The following DDOST variants were observed in gnomAD, a reference collection of about 807,000 sequenced individuals.
The protein encoded by DDOST is dolichyl-diphosphooligosaccharide--protein glycosyltransferase 48 kDa subunit.
Under a neutral mutation model 47.6 loss-of-function variants are expected in DDOST, and 25 were observed. The ratio of observed to expected loss-of-function variants is 0.53; its 90% CI spans 0.38 to 0.73. The LOEUF is 0.73. DDOST is among the 30% of genes least tolerant of loss of function. DDOST has a pLI of 0.00. For synonymous variants in DDOST, 275 were observed against 236.0 expected (o/e 1.17, Z -1.51); for missense variants, 526 against 573.9 (o/e 0.92, Z 0.85).
intron 8 of DDOST, among the ~76,000 whole-genome samples, chr1:20,653,343 C>G (rs1285878352): frequency 6.6e-6 from 1 of 152,226 alleles, no homozygotes; most frequent in South Asian, 2.1e-4. Flanking sequence ...ACCTATTTCT[C>G]TTATTAAGTC....
intron 3 of DDOST, 93 bp from the exon 4 acceptor site, chr1:20,655,872 C>T (rs1331977992): frequency 2.8e-6 from 3 of 1,073,756 alleles, no homozygotes; most frequent in East Asian, 4.7e-5. Context: ...CTCTGTCAGC[C>T]CCAGTGCCCT....
At chr1:20,653,129 TA>T in intron 8 of DDOST, 158 bp from the exon 9 acceptor site, 1 of 760,558 alleles carries the variant, frequency 1.3e-6, no homozygotes, top group Non-Finnish European at 2.1e-6. Context: ...CCCTGATCAG[TA>T]ACCAGTCTCT....
Position 20,656,156 on chromosome 1 carries a change from G to T in DDOST, c.297C>A (p.Ile99=). The change falls in exon 3 of 11, where the codon ATC becomes ATA. Residue 99 remains isoleucine, a synonymous_variant. Transcript: ENST00000602624. ...DFGGNINVET[I]SAFIDGGGSV... is the part of the protein sequence containing the mutation. ...TGCCTCCGCCGTCAATAAAGGCACT[G>T]ATGGTCTCCACGTTGATGTTGCCTC... 3.1e-6 allele frequency: 5 copies of T among 1,614,162 alleles called. No individual in the cohort carries two copies. In the South Asian group the frequency reaches 3.3e-5, roughly 11 times the overall value.
In DDOST at chr1:20,652,927, G is replaced by GAC; in HGVS notation, c.985_986dup (p.Pro330SerfsTer19). 6.2e-7 allele frequency: 1 copy of GAC among 1,614,132 alleles called. No homozygotes were observed. On this transcript the variant is annotated frameshift_variant, in exon 9 of 11. Coordinates refer to ENST00000602624, the MANE Select transcript of DDOST (RefSeq NM_005216.5). LOFTEE classifies it high-confidence loss of function. ...GCTGAATGTCATCGCCATCAAAGGGGACCCATTTGCCATTTGAGAGCTGCT... is the reference window on the plus strand; with the variant it reads ...GCTGAATGTCATCGCCATCAAAGGGGACACCCATTTGCCATTTGAGAGCTGCT...
intron 6 of DDOST, 88 bp downstream of exon 6, chr1:20,654,526 C>A (rs1363500643): frequency 7.2e-7 from 1 of 1,393,854 alleles, no homozygotes; most frequent in Non-Finnish European, 1.0e-6. Flanking sequence ...ATGCCCCACC[C>A]CACCAACTAG....
rs373356614 is a variant in DDOST, at chr1:20,654,720, G to A, written c.552-13C>T. 69 of 1,544,876 alleles carry A rather than the reference G, an allele frequency of 4.5e-5. No individual in the cohort carries two copies. The highest frequency in any genetic ancestry group is 1.4e-4 in the African/African-American group (10 of 73,010). ...ATCGGCCACCATCCTGCAGCAGGACGAGAGCAGCCCAGCACTGGCCCCAGG... is the reference window on the plus strand; with the variant it reads ...ATCGGCCACCATCCTGCAGCAGGACAAGAGCAGCCCAGCACTGGCCCCAGG... On this transcript the variant is annotated splice_polypyrimidine_tract_variant and intron_variant, in intron 5 of 10. Coordinates refer to ENST00000602624, the MANE Select transcript of DDOST (RefSeq NM_005216.5).
rs1004299514 is a variant in DDOST, at chr1:20,652,714, A to G, written c.1077T>C (p.Ser359=). 14 of 1,614,006 alleles carry G rather than the reference A, an allele frequency of 8.7e-6. No homozygotes were observed. The highest frequency in any genetic ancestry group is 1.0e-5 in the Non-Finnish European group (12 of 1,180,012). ...ACACGTCGGGCAACTTGAACTGAAC[A>G]CTGTATTTGCCACCTGCGGAAGAAC... ...TFLKKKGGKY[S]VQFKLPDVYG... is the part of the protein sequence containing the mutation. Residue 359 remains serine (S), a synonymous_variant, in exon 10 of 11, where the codon AGT becomes AGC. Coordinates refer to ENST00000602624, the MANE Select transcript of DDOST (RefSeq NM_005216.5).
Position 20,661,284 on chromosome 1 carries a change from C to T in DDOST, c.67G>A (p.Val23Ile). The part of the protein sequence containing the change: ...FWLLLPLLGA[V>I]CASGPRTLVL... Reference sequence around the variant, plus strand: ...AAGGTGCGGGGTCCGCTGGCGCAAACCGCGCCAAGCAAGGGCAGCAGCAAC... The same window carrying T: ...AAGGTGCGGGGTCCGCTGGCGCAAATCGCGCCAAGCAAGGGCAGCAGCAAC... Residue 23 changes from valine (V) to isoleucine (I), a missense_variant, in exon 1 of 11, where the codon GTT becomes ATT. Physicochemically the swap from Val to Ile is conservative, Grantham distance 29 (BLOSUM62 3). Transcript: ENST00000602624. The T allele has an allele frequency of 6.2e-7, 1 of 1,613,910 alleles. No homozygotes were observed. Among genetic ancestry groups the T allele is most frequent in the Non-Finnish European group, 8.5e-7 (1 of 1,179,996 alleles).
chr1:20,655,650 A>T (rs1287351261), intron 4 of DDOST, 26 bp downstream of exon 4: 1 of 1,606,248 alleles, frequency 6.2e-7, no homozygotes, highest in South Asian at 1.1e-5. Flanking sequence ...TGCCCCTGAA[A>T]CCTGGAAGGT....
chr1:20,654,328 A>T lies in DDOST; in HGVS notation c.689T>A (p.Leu230His), dbSNP rs1232273839. 3.2e-6 allele frequency: 5 copies of T among 1,557,236 alleles called. No individual in the cohort carries two copies. The Admixed American group carries it at 9.6e-5, about 30-fold the overall frequency. The change falls in exon 7 of 11, where the codon CTC (leucine) becomes CAC (histidine). Residue 230 changes from leucine (L) to histidine (H), a missense_variant. Physicochemically the swap from Leu to His is moderately conservative, Grantham distance 99. Transcript: ENST00000602624. ...GACGCGGGCATTGTTCCTGGCCTGG[A>T]GCCCAGCAATGAGGAGGGTGTTCTT... is the stretch of plus-strand genomic sequence containing the variant. ...VGKNTLLIAG[L>H]QARNNARVIF...
Position 20,655,481 on chromosome 1 carries a change from A to C in DDOST, c.510T>G (p.Val170=), listed in dbSNP as rs759393357. The change falls in exon 5 of 11, where the codon GTT becomes GTG. Residue 170 remains valine, a synonymous_variant. Transcript: ENST00000602624. ...TENLLKAPTI[V]GKSSLNPILF... is the part of the protein sequence containing the mutation. ...GGATGGGATTTAGAGATGATTTCCC[A>C]ACGATGGTTGGGGCCTTCAGCAGGT... 4.3e-6 allele frequency: 7 copies of C among 1,613,910 alleles called. No individual in the cohort carries two copies. In the South Asian group the frequency reaches 7.7e-5, roughly 18 times the overall value.
At chr1:20,656,377 G>A (rs2053374790) in intron 2 of DDOST, among the ~76,000 whole-genome samples, 190 bp from the exon 3 acceptor site, 1 of 152,218 alleles carries the variant, frequency 6.6e-6, no homozygotes, top group South Asian at 2.1e-4. Context: ...CTCGCAGCGT[G>A]AAGACTCAAA....
chr1:20,657,093 G>A (rs1340382838), intron 2 of DDOST, among the ~76,000 whole-genome samples: 1 of 152,230 alleles, frequency 6.6e-6, no homozygotes, highest in Non-Finnish European at 1.5e-5. Context: ...AGATGTAAGC[G>A]TGAGCCAGGC....
At chr1:20,660,109 G>A (rs1480944862) in intron 2 of DDOST, among the ~76,000 whole-genome samples, 1 of 152,178 alleles carries the variant, frequency 6.6e-6, no homozygotes. Flanking sequence ...TAAGGAGCTG[G>A]GGATGTTCAG....
chr1:20,660,810 A>G, intron 2 of DDOST, 71 bp downstream of exon 2: 1 of 896,298 alleles, frequency 1.1e-6, no homozygotes, highest in Non-Finnish European at 1.8e-6. Context: ...CATGCCCAAG[A>G]ACCAGAAGAA....
chr1:20,652,337 C>A lies in DDOST; in HGVS notation c.*42G>T, dbSNP rs760192704. 91 of 1,526,748 alleles carry A rather than the reference C, an allele frequency of 6.0e-5. No homozygotes were observed. The highest frequency in any genetic ancestry group is 7.8e-5 in the Non-Finnish European group (89 of 1,138,816). 94.6% of individuals were successfully genotyped at this position (1,526,748 alleles called of 1,614,324 possible). ...AACCACCAATCCTAATAACCCCCCT[C>A]CTTGCCCCGTCTCCACGCTGTGCGG... On this transcript the variant is annotated 3_prime_UTR_variant, in exon 11 of 11. Coordinates refer to ENST00000602624, the MANE Select transcript of DDOST (RefSeq NM_005216.5).
chr1:20,661,345 C>A lies in DDOST; in HGVS notation c.6G>T (p.Glu2Asp), dbSNP rs534518091. The A allele has an allele frequency of 1.9e-6, 3 of 1,612,290 alleles. No individual in the cohort carries two copies. Among genetic ancestry groups the A allele is most frequent in the African/African-American group, 1.3e-5 (1 of 75,048 alleles). The stretch of plus-strand genomic sequence containing the variant: ...CCCAAGCCCGGGCCGCGGTGCTGGG[C>A]TCCATCTTCCTCCTCCTGCCGAAGG... The part of the protein sequence containing the change: M[E>D]PSTAARAWAL... Residue 2 changes from glutamate (E) to aspartate (D), a missense_variant, in exon 1 of 11, where the codon GAG (glutamate) becomes GAT (aspartate). By Grantham distance (45) the Glu-to-Asp change is conservative. Transcript: ENST00000602624.
chr1:20,657,656 G>A (rs1020277877), intron 2 of DDOST, among the ~76,000 whole-genome samples: 4 of 152,180 alleles, frequency 2.6e-5, no homozygotes, highest in Non-Finnish European at 5.9e-5. Context: ...CTCAGTAGCA[G>A]GTGGAAATGA....
Position 20,654,548 on chromosome 1 carries a change from G to A in DDOST, c.645+66C>T, listed in dbSNP as rs1023576083. On this transcript the variant is annotated intron_variant, in intron 6 of 10. Transcript: ENST00000602624. ...ACCCCACCAACTAGTCATTTCCTTC[G>A]CCTCAGCCAAATGTGCTGTTCTGCT... The A allele has an allele frequency of 1.6e-5, 23 of 1,451,042 alleles. No individual in the cohort carries two copies. The African/African-American group carries it at 1.8e-4, about 12-fold the overall frequency. The allele number at this position is 1,451,042 out of a possible 1,614,324, so 89.9% of individuals were successfully genotyped here.
Sources: gnomAD v4.1 joint callset for allele counts (sites outside exome capture counted in the v4.1 genomes callset) on GRCh38, gnomAD v4.1.1 for gene constraint, MANE v1.5 for transcripts, NCBI Gene and HGNC (gene_info 2026-07-23, HGNC 2026-07-21) for gene names.